FHIT: variants seen among roughly 807,000 people sequenced by gnomAD.
FHIT encodes fragile histidine triad diadenosine triphosphatase.
In FHIT, 19 loss-of-function variants were observed where a neutral mutation model predicts 17.9. The observed-to-expected ratio is 1.06, with a 90% confidence interval of 0.74 to 1.56. The LOEUF is 1.56. Among genes scored for constraint, FHIT ranks in the 40% most tolerant of loss-of-function variants. The pLI, the probability that FHIT is intolerant of heterozygous loss-of-function variation, is 0.00. For synonymous variants in FHIT, 81 were observed against 69.7 expected, an observed-to-expected ratio of 1.16 and a Z score of -0.81; for missense variants, 248 against 189.2, an observed-to-expected ratio of 1.31 and a Z score of -1.82.
intron 4 of FHIT, among the ~76,000 whole-genome samples, chr3:60,682,289 G>C (rs375368055): frequency 4.9e-4 from 74 of 152,248 alleles, no homozygotes; most frequent in African/African-American, 1.8e-3. Context: ...ATTTTCAAGA[G>C]AGATGAAACA....
chr3:60,333,346 A>T (rs1446786342), intron 5 of FHIT, among the ~76,000 whole-genome samples: 1 of 152,244 alleles, frequency 6.6e-6, no homozygotes, highest in African/African-American at 2.4e-5. Flanking sequence ...TCCCAAAGAA[A>T]TCATAGATCC....
chr3:60,200,990 G>A (rs1333698195), intron 5 of FHIT, among the ~76,000 whole-genome samples: 1 of 152,064 alleles, frequency 6.6e-6, no homozygotes, highest in Non-Finnish European at 1.5e-5. Flanking sequence ...AATGGTCCCT[G>A]TCTCCAACAG....
intron 4 of FHIT, among the ~76,000 whole-genome samples, chr3:60,611,114 T>C (rs1553673385): frequency 6.6e-6 from 1 of 152,208 alleles, no homozygotes; most frequent in African/African-American, 2.4e-5. Flanking sequence ...CCAGTAATTG[T>C]GGCTCATCTC....
chr3:60,567,688 A>C (rs922667141), intron 4 of FHIT, among the ~76,000 whole-genome samples: 1 of 152,178 alleles, frequency 6.6e-6, no homozygotes, highest in Non-Finnish European at 1.5e-5. Context: ...AATGGGAGAA[A>C]ATTTTTGCAG....
intron 5 of FHIT, among the ~76,000 whole-genome samples, chr3:60,156,704 A>C (rs1700712926): frequency 6.6e-6 from 1 of 152,180 alleles, no homozygotes; most frequent in Non-Finnish European, 1.5e-5. Context: ...GTGAGCCATG[A>C]TTGCACCACT....
intron 7 of FHIT, among the ~76,000 whole-genome samples, chr3:59,924,949 G>T (rs931318): frequency 0.14 from 21,604 of 152,216 alleles, 2,048 homozygotes; most frequent in African/African-American, 0.25. Flanking sequence ...GTGTGGGCAC[G>T]GAGGTCACTT....
intron 4 of FHIT, among the ~76,000 whole-genome samples, chr3:60,663,124 A>G (rs1465103943): frequency 3.8e-5 from 5 of 133,200 alleles, no homozygotes; most frequent in Non-Finnish European, 8.4e-5. Context: ...TTTGATTACT[A>G]TAGCTATATA....
chr3:60,569,753 A>T (rs370567822), intron 4 of FHIT, among the ~76,000 whole-genome samples: 12,026 of 56,824 alleles, frequency 0.21, 897 homozygotes, highest in Middle Eastern at 0.27. Flanking sequence ...ATATATATAT[A>T]TATTTTTTTT....
chr3:60,921,188 C>T (rs1200485815), intron 3 of FHIT, among the ~76,000 whole-genome samples: 1 of 152,150 alleles, frequency 6.6e-6, no homozygotes, highest in East Asian at 1.9e-4. Context: ...CAGGCAGTGT[C>T]TTTGCTAAAA....
intron 7 of FHIT, among the ~76,000 whole-genome samples, chr3:59,951,237 C>T (rs12489929): frequency 0.098 from 14,907 of 152,196 alleles, 911 homozygotes; most frequent in Admixed American, 0.14. Context: ...CTAGGGACCA[C>T]CATGAACCCA....
At chr3:59,850,786 AAG>A (rs1322926269) in intron 8 of FHIT, among the ~76,000 whole-genome samples, 1 of 152,230 alleles carries the variant, frequency 6.6e-6, no homozygotes, top group Non-Finnish European at 1.5e-5. Context: ...CCACAAAAGC[AAG>A]AGTCTTTCTG....
intron 4 of FHIT, among the ~76,000 whole-genome samples, chr3:60,675,578 C>T (rs571013951): frequency 2.0e-5 from 3 of 152,296 alleles, no homozygotes; most frequent in South Asian, 2.1e-4. Context: ...CTTCCAATAC[C>T]GTCATCACAA....
chr3:61,169,977 T>A (rs2037955423), intron 2 of FHIT, among the ~76,000 whole-genome samples: 1 of 152,066 alleles, frequency 6.6e-6, no homozygotes, highest in Non-Finnish European at 1.5e-5. Flanking sequence ...AAGGGTGGGG[T>A]GAGAAACTTG....
chr3:60,271,317 C>T (rs1706858115), intron 5 of FHIT, among the ~76,000 whole-genome samples: 2 of 152,112 alleles, frequency 1.3e-5, no homozygotes, highest in African/African-American at 4.8e-5. Flanking sequence ...GCAGGTGAAT[C>T]GCTTGAACCC....
chr3:60,062,948 TGGA>T (rs1246406085), intron 5 of FHIT, among the ~76,000 whole-genome samples: 2 of 151,904 alleles, frequency 1.3e-5, no homozygotes, highest in Non-Finnish European at 2.9e-5. Context: ...TGAAAAGGGA[TGGA>T]GGAGGAGAAG....
At chr3:60,546,585 T>C (rs2036373638) in intron 4 of FHIT, among the ~76,000 whole-genome samples, 1 of 152,252 alleles carries the variant, frequency 6.6e-6, no homozygotes, top group South Asian at 2.1e-4. Context: ...TTTACAAAGA[T>C]GTAAGGACAT....
At chr3:60,716,608 A>G (rs1182381828) in intron 4 of FHIT, among the ~76,000 whole-genome samples, 1 of 152,180 alleles carries the variant, frequency 6.6e-6, no homozygotes, top group Non-Finnish European at 1.5e-5. Flanking sequence ...AGACTGTTTT[A>G]TAGTTAACTG....
chr3:60,306,048 A>G (rs1401713967), intron 5 of FHIT, among the ~76,000 whole-genome samples: 2 of 152,292 alleles, frequency 1.3e-5, no homozygotes, highest in East Asian at 3.9e-4. Flanking sequence ...AATTTAAACC[A>G]TAATTCCAAG....
intron 5 of FHIT, among the ~76,000 whole-genome samples, chr3:60,469,424 T>G (rs2032968314): frequency 3.3e-5 from 5 of 152,216 alleles, no homozygotes; most frequent in Admixed American, 3.3e-4. Context: ...TTTTGCTTAT[T>G]TCTGCTATTA....
Sources: gnomAD v4.1 joint callset for allele counts (sites outside exome capture counted in the v4.1 genomes callset) on GRCh38, gnomAD v4.1.1 for gene constraint, MANE v1.5 for transcripts, NCBI Gene and HGNC (gene_info 2026-07-23, HGNC 2026-07-21) for gene names.